TTC22: variants seen among roughly 807,000 people sequenced by gnomAD.
The protein encoded by TTC22 is tetratricopeptide repeat protein 22.
TTC22 carries 42 observed loss-of-function variants against 48.2 expected under a neutral mutation model. The ratio of observed to expected loss-of-function variants is 0.87; its 90% confidence interval spans 0.68 to 1.13. TTC22 has a LOEUF of 1.13. TTC22 is among the 50% of genes most tolerant of loss of function. The pLI is 0.00. For missense variants in TTC22, 784 were observed against 807.0 expected (o/e 0.97, Z 0.34); for synonymous variants, 345 against 365.5 (o/e 0.94, Z 0.64).
intron 1 of TTC22, among the ~76,000 whole-genome samples, chr1:54,794,255 A>T (rs1038526936): frequency 6.6e-6 from 1 of 152,184 alleles, no homozygotes; most frequent in African/African-American, 2.4e-5. Context: ...GAAGCAAAAA[A>T]GGTTAGTGAC....
At chr1:54,789,840 G>A (rs565362947) in intron 1 of TTC22, among the ~76,000 whole-genome samples, 3 of 152,352 alleles carry the variant, frequency 2.0e-5, no homozygotes, top group Admixed American at 6.5e-5. Flanking sequence ...TCAAGGACAA[G>A]TAGGAATCAC....
At chr1:54,785,762 G>A (rs1040747225) in intron 5 of TTC22, 18 of 533,980 alleles carry the variant, frequency 3.4e-5, no homozygotes, top group South Asian at 2.1e-4. Flanking sequence ...GCAGTGAGCC[G>A]TGGTGGCACC....
At chr1:54,794,954 A>C (rs1009730593) in intron 1 of TTC22, 15 of 152,240 alleles carry the variant, frequency 9.9e-5, no homozygotes, top group African/African-American at 2.7e-4. Flanking sequence ...GTCCTCTGTG[A>C]TGACACAGAG....
chr1:54,794,364 C>T (rs905357338), intron 1 of TTC22, among the ~76,000 whole-genome samples: 2 of 152,132 alleles, frequency 1.3e-5, no homozygotes, highest in African/African-American at 4.8e-5. Flanking sequence ...ATCAGCATCC[C>T]ATTTACTTCA....
intron 5 of TTC22, chr1:54,785,561 C>T: frequency 2.2e-6 from 1 of 452,598 alleles, no homozygotes; most frequent in Non-Finnish European, 4.4e-6. Flanking sequence ...CCTGGAATTC[C>T]AGCACTTTGG....
At chr1:54,794,340 G>T (rs554121521) in intron 1 of TTC22, among the ~76,000 whole-genome samples, 1 of 152,182 alleles carries the variant, frequency 6.6e-6, no homozygotes, top group Non-Finnish European at 1.5e-5. Context: ...CTCGGGTGGG[G>T]TACAAGGTTG....
At chr1:54,788,658 C>G (rs992879520) in intron 1 of TTC22, among the ~76,000 whole-genome samples, 3 of 152,120 alleles carry the variant, frequency 2.0e-5, no homozygotes, top group Admixed American at 6.6e-5. Context: ...TAATGAAAAC[C>G]AGTAAAACCC....
At chr1:54,799,924 AG>A (rs1646420058) in intron 1 of TTC22, among the ~76,000 whole-genome samples, 2 of 152,196 alleles carry the variant, frequency 1.3e-5, no homozygotes, top group African/African-American at 4.8e-5. Context: ...TCTTACAGGG[AG>A]GGGAAAGGAG....
intron 1 of TTC22, among the ~76,000 whole-genome samples, chr1:54,788,317 C>A (rs1284711387): frequency 6.6e-6 from 1 of 152,134 alleles, no homozygotes; most frequent in African/African-American, 2.4e-5. Flanking sequence ...TGTGAGGGCC[C>A]CCAGTGAGGT....
In TTC22 at chr1:54,787,118, G is replaced by A. The variant is rs781390938; in HGVS notation, c.740-43C>T. ...GAGAGGGTCTCTAGGAAGCAGCAGG[G>A]TGGAGAGAGGGAAGGGGCCATCCCC... is the stretch of plus-strand genomic sequence containing the variant. On this transcript the variant is annotated intron_variant, in intron 3 of 6. Coordinates refer to ENST00000371276, the MANE Select transcript of TTC22 (RefSeq NM_001114108.2). 8 of 1,113,306 alleles carry A rather than the reference G, an allele frequency of 7.2e-6. No individual in the cohort carries two copies. The South Asian group carries it at 1.2e-4, about 16-fold the overall frequency. The allele number at this position is 1,113,306 out of a possible 1,614,324, so 69.0% of individuals were successfully genotyped here. A position where few individuals can be genotyped will look rare whatever the true frequency, so the allele number is the denominator to read the frequency against.
Position 54,780,362 on chromosome 1 carries a change from T to C in TTC22, c.*881A>G, listed in dbSNP as rs12144319. The C allele has an allele frequency of 0.31, 46,766 of 151,462 alleles. 7,633 individuals are homozygous for C. The highest frequency in any genetic ancestry group is 0.6 in the East Asian group (3,079 of 5,126). 9.4% of individuals were successfully genotyped at this position (151,462 alleles called of 1,614,324 possible). A position where few individuals can be genotyped will look rare whatever the true frequency, so the allele number is the denominator to read the frequency against. On this transcript the variant is annotated 3_prime_UTR_variant, in exon 7 of 7. Coordinates refer to ENST00000371276, the MANE Select transcript of TTC22 (RefSeq NM_001114108.2). ...AATTAGCCAGGCCTGATGGCACACG[T>C]CTGTAATCCCAGCTACTTGGAAGGC...
Position 54,782,451 on chromosome 1 carries a change from G to T in TTC22, c.1047C>A (p.Asp349Glu). Reference protein sequence around the residue: ...AKIHIRAYLHDLKRAKMGLGG... With the variant: ...AKIHIRAYLHELKRAKMGLGG... ...CGAGACCCATCTTGGCCCGCTTGAG[G>T]TCATGCAGGTAGGCTCTGATGTGGA... Residue 349 changes from aspartate (D) to glutamate (E), a missense_variant, in exon 6 of 7, where the codon GAC (aspartate) becomes GAA (glutamate). Asp to Glu is a conservative substitution (Grantham distance 45). Coordinates refer to ENST00000371276, the MANE Select transcript of TTC22 (RefSeq NM_001114108.2). 2 of 1,550,694 alleles carry T rather than the reference G, an allele frequency of 1.3e-6. No individual in the cohort carries two copies. Among genetic ancestry groups the T allele is most frequent in the South Asian group, 1.2e-5 (1 of 83,980 alleles).
intron 1 of TTC22, among the ~76,000 whole-genome samples, chr1:54,797,923 G>A (rs1006300097): frequency 1.3e-5 from 2 of 152,006 alleles, no homozygotes; most frequent in African/African-American, 2.4e-5. Flanking sequence ...CTCGCTGCAG[G>A]GGGTCCCTCC....
rs1646265518 is a variant in TTC22 at position 54,781,777 on chromosome 1, G to C, written c.1176C>G (p.Val392=). The C allele has an allele frequency of 7.0e-7, 1 of 1,428,282 alleles. No homozygotes were observed. Among genetic ancestry groups the C allele is most frequent in the African/African-American group, 1.5e-5 (1 of 67,064 alleles). The allele number at this position is 1,428,282 out of a possible 1,614,324, so 88.5% of individuals were successfully genotyped here. Residue 392 remains valine, a splice_region_variant and synonymous_variant, in exon 7 of 7, where the codon GTC becomes GTG. Transcript: ENST00000371276. ...CCGCGTCCACGCCCATATAGTAGTAGACCTGGGGTCGGGGACGCGGGGTGA... is the reference window on the plus strand; with the variant it reads ...CCGCGTCCACGCCCATATAGTAGTACACCTGGGGTCGGGGACGCGGGGTGA... ...GFKAYLDIGQ[V]YYYMGVDAVQ...
chr1:54,781,170 C>T lies in TTC22; in HGVS notation c.*73G>A, dbSNP rs972974664. 1 of 1,148,760 alleles carries T rather than the reference C, an allele frequency of 8.7e-7. No homozygotes were observed. Among genetic ancestry groups the T allele is most frequent in the Non-Finnish European group, 1.1e-6 (1 of 874,474 alleles). 71.2% of individuals were successfully genotyped at this position (1,148,760 alleles called of 1,614,324 possible). A position where few individuals can be genotyped will look rare whatever the true frequency, so the allele number is the denominator to read the frequency against. On this transcript the variant is annotated 3_prime_UTR_variant, in exon 7 of 7. Transcript: ENST00000371276. ...GGTCAGCCTAAGGCAGGGAGTCCAT[C>T]CGGACCTGGTCCCATCAGCTGGGCG...
chr1:54,798,959 A>G (rs72895742), intron 1 of TTC22, among the ~76,000 whole-genome samples: 10,141 of 152,304 alleles, frequency 0.067, 378 homozygotes, highest in Admixed American at 0.11. Flanking sequence ...CTCTGACTCT[A>G]AAAGTGATGC....
rs78208835 is a variant in TTC22, at chr1:54,789,936, G to C, written c.568-1839C>G. Among the ~76,000 whole-genome samples, 1,004 of 152,348 alleles carry C rather than the reference G, an allele frequency of 6.6e-3. 11 individuals carry two copies. Among genetic ancestry groups the C allele is most frequent in the African/African-American group, 0.023 (967 of 41,582 alleles). ...AGAGAAGAGCGAGCAAGGCATGCTG[G>C]GGTCTGCATGCAGCCAGAGGGCTGG... On this transcript the variant is annotated intron_variant, in intron 1 of 6. Transcript: ENST00000371276.
At position 54,781,504 on chromosome 1, in the gene TTC22, C is replaced by G; in HGVS notation, c.1449G>C (p.Trp483Cys). Residue 483 changes from tryptophan (W) to cysteine (C), a missense_variant, in exon 7 of 7, where the codon TGG becomes TGC. Trp to Cys is a radical substitution (Grantham distance 215). Coordinates refer to ENST00000371276, the MANE Select transcript of TTC22 (RefSeq NM_001114108.2). ...CCCCGTCGCTCAGCTGTGCCTGGCTCCACTGCGCCAGCAGCGCCTCGAGCA... is the reference window on the plus strand; with the variant it reads ...CCCCGTCGCTCAGCTGTGCCTGGCTGCACTGCGCCAGCAGCGCCTCGAGCA... ...GCLLEALLAQ[W>C]SQAQLSDGEL... The G allele has an allele frequency of 6.7e-7, 1 of 1,502,938 alleles. No individual in the cohort carries two copies. 93.1% of individuals were successfully genotyped at this position (1,502,938 alleles called of 1,614,324 possible). A position where few individuals can be genotyped will look rare whatever the true frequency, so the allele number is the denominator to read the frequency against.
chr1:54,791,659 CCCAGGACCTCAGGACCT>C (rs1646352744), intron 1 of TTC22, among the ~76,000 whole-genome samples: 1 of 152,126 alleles, frequency 6.6e-6, no homozygotes, highest in African/African-American at 2.4e-5. Context: ...CAACTATGCT[CCCAGGACCTCAGGACCT>C]CCAGTCCCCT....
Sources: allele counts gnomAD v4.1 joint callset (sites outside exome capture counted in the v4.1 genomes callset), GRCh38; gene constraint gnomAD v4.1.1; transcripts MANE v1.5; gene names NCBI Gene and HGNC (gene_info 2026-07-23, HGNC 2026-07-21).